ASB14: variants seen among roughly 807,000 people sequenced by gnomAD.
The protein encoded by ASB14 is ankyrin repeat and SOCS box containing 14.
ASB14 carries 63 observed loss-of-function variants against 55.6 expected under a neutral mutation model. The ratio of observed to expected loss-of-function variants is 1.13; its 90% CI spans 0.92 to 1.40. The LOEUF (loss-of-function observed/expected upper bound fraction) is 1.40. Ranked by LOEUF, ASB14 falls within the 40% of genes most tolerant of loss-of-function variation. The pLI, the probability that ASB14 is intolerant of heterozygous loss-of-function variation, is 0.00. For synonymous variants in ASB14, 256 were observed against 259.9 expected (o/e 0.98, Z 0.15); for missense variants, 724 against 710.4 (o/e 1.02, Z -0.22).
chr3:57,276,612 C>G lies in ASB14; in HGVS notation c.1702G>C (p.Ala568Pro). 1 of 1,613,834 alleles carries G rather than the reference C, an allele frequency of 6.2e-7. No individual in the cohort carries two copies. The highest frequency in any genetic ancestry group is 8.5e-7 in the Non-Finnish European group (1 of 1,179,828). Residue 568 changes from alanine (A) to proline (P), a missense_variant, in exon 10 of 11, where the codon GCA becomes CCA. Transcript: ENST00000487349. Reference sequence around the variant, plus strand: ...TCGTATTCTTTGTAAAGGACATATGCTTTTAGACGATTGGGTAATGGAAGA... The same window carrying G: ...TCGTATTCTTTGTAAAGGACATATGGTTTTAGACGATTGGGTAATGGAAGA... The part of the protein sequence containing the change: ...SFLPLPNRLK[A>P]YVLYKEYDLY...
chr3:57,277,262 CA>C (rs567523418), intron 9 of ASB14, among the ~76,000 whole-genome samples: 38,959 of 115,180 alleles, frequency 0.34, 6,807 homozygotes, highest in African/African-American at 0.57. Flanking sequence ...GACTCTGTCT[CA>C]AAAAAAAAAA....
intron 10 of ASB14, chr3:57,271,411 A>G (rs2060938976): frequency 6.6e-6 from 1 of 152,668 alleles, no homozygotes; most frequent in Admixed American, 6.5e-5. Flanking sequence ...GTGCTTACCA[A>G]AAGGAATGCT....
chr3:57,269,353 T>C lies in ASB14; in HGVS notation c.*288A>G, dbSNP rs2107614075. On this transcript the variant is annotated 3_prime_UTR_variant, in exon 11 of 11. Coordinates refer to ENST00000487349, the MANE Select transcript of ASB14 (RefSeq NM_001142733.3). ...ATTTTAGTTTGAATGCTGGCTTTTA[T>C]AGGATGGTGCCAAAATTCATTTTGG... 3.9e-6 allele frequency: 2 copies of C among 512,788 alleles called. No homozygotes were observed. Among genetic ancestry groups the C allele is most frequent in the South Asian group, 4.0e-5 (1 of 25,238 alleles). The allele number at this position is 512,788 out of a possible 1,614,324, so 31.8% of individuals were successfully genotyped here. A position where few individuals can be genotyped will look rare whatever the true frequency, so the allele number is the denominator to read the frequency against.
chr3:57,284,941 G>GTTTTTTTT, intron 5 of ASB14, among the ~76,000 whole-genome samples: 1 of 132,182 alleles, frequency 7.6e-6, no homozygotes, highest in Non-Finnish European at 1.6e-5. Context: ...TTTCAGTGTT[G>GTTTTTTTT]TTTTTTTTTT....
intron 2 of ASB14, among the ~76,000 whole-genome samples, chr3:57,289,687 CTTTTTTTTTTTTTT>C (rs34419265): frequency 2.0e-5 from 2 of 100,338 alleles, no homozygotes; most frequent in African/African-American, 6.3e-5. Flanking sequence ...ACCTTCCATT[CTTTTTTTTTTTTTT>C]TTTTTTTTTG....
chr3:57,269,504 A>G lies in ASB14; in HGVS notation c.*137T>C. The G allele has an allele frequency of 6.2e-7, 1 of 1,607,606 alleles. No homozygotes were observed. Among genetic ancestry groups the G allele is most frequent in the Non-Finnish European group, 8.5e-7 (1 of 1,176,690 alleles). Reference sequence around the variant, plus strand: ...TGCATAATTTGCCATTTGACTGCAGACAAGTAACTTAGTTTCTTTTTTGTC... The same window carrying G: ...TGCATAATTTGCCATTTGACTGCAGGCAAGTAACTTAGTTTCTTTTTTGTC... On this transcript the variant is annotated 3_prime_UTR_variant, in exon 11 of 11. Coordinates refer to ENST00000487349, the MANE Select transcript of ASB14 (RefSeq NM_001142733.3).
At chr3:57,270,746 C>G (rs2060931924) in intron 10 of ASB14, 1 of 152,272 alleles carries the variant, frequency 6.6e-6, no homozygotes, top group Non-Finnish European at 1.5e-5. Context: ...AGGCAAATAA[C>G]TAATGTATGA....
intron 10 of ASB14, 147 bp downstream of exon 10, chr3:57,276,381 G>A (rs2060986961): frequency 1.7e-6 from 1 of 581,516 alleles, no homozygotes; most frequent in African/African-American, 1.9e-5. Flanking sequence ...GACCTCCCAA[G>A]GTGAAGCAAT....
Position 57,291,898 on chromosome 3 carries a change from G to A in ASB14, c.122+14C>T. The A allele has an allele frequency of 2.6e-6, 4 of 1,524,504 alleles. No individual in the cohort carries two copies. The highest frequency in any genetic ancestry group is 3.9e-5 in the Admixed American group (2 of 50,698). 94.4% of individuals were successfully genotyped at this position (1,524,504 alleles called of 1,614,324 possible). On this transcript the variant is annotated intron_variant, in intron 2 of 10. Transcript: ENST00000487349. The stretch of plus-strand genomic sequence containing the variant: ...CAACACTTAATACTATATTGCCGAT[G>A]AGAAAACCATTACCTCTCATCCTTA...
chr3:57,285,649 ACTTGT>A (rs1370430371), intron 5 of ASB14, among the ~76,000 whole-genome samples: 1 of 152,054 alleles, frequency 6.6e-6, no homozygotes, highest in Non-Finnish European at 1.5e-5. Context: ...TGGAGTTAAT[ACTTGT>A]CTTATGTTTC....
intron 6 of ASB14, 21 bp from the exon 7 acceptor site, chr3:57,280,494 G>A: frequency 6.5e-7 from 1 of 1,529,756 alleles, no homozygotes; most frequent in South Asian, 1.2e-5. Context: ...AAAGACTCTT[G>A]TTAATGCAAA....
chr3:57,283,849 AAAAC>A (rs750856937), intron 5 of ASB14, among the ~76,000 whole-genome samples: 14 of 152,180 alleles, frequency 9.2e-5, no homozygotes, highest in Admixed American at 6.5e-4. Context: ...AAAAAAAACA[AAAAC>A]AAAAACAGAA....
At chr3:57,281,868 G>A (rs922779394) in intron 6 of ASB14, among the ~76,000 whole-genome samples, 1 of 152,172 alleles carries the variant, frequency 6.6e-6, no homozygotes, top group South Asian at 2.1e-4. Flanking sequence ...GGAATCAGAT[G>A]AACCTTGAAA....
intron 6 of ASB14, among the ~76,000 whole-genome samples, chr3:57,282,949 A>G (rs561993787): frequency 6.6e-6 from 1 of 152,352 alleles, no homozygotes; most frequent in Admixed American, 6.5e-5. Flanking sequence ...ATCTTAGCAC[A>G]GTGAGGGAAT....
chr3:57,287,093 T>G (rs2061086458), intron 5 of ASB14, among the ~76,000 whole-genome samples: 1 of 152,246 alleles, frequency 6.6e-6, no homozygotes, highest in Non-Finnish European at 1.5e-5. Context: ...AATTTTAGTT[T>G]TCCTAAATAA....
intron 10 of ASB14, chr3:57,273,609 AG>A (rs2060962610): frequency 6.6e-6 from 1 of 152,638 alleles, no homozygotes; most frequent in South Asian, 2.1e-4. Flanking sequence ...GAAAAAAAAA[AG>A]TCACTTTATT....
chr3:57,269,677 C>T (rs963292726), intron 10 of ASB14, 59 bp from the exon 11 acceptor site: 15 of 1,613,886 alleles, frequency 9.3e-6, no homozygotes, highest in Non-Finnish European at 1.2e-5. Context: ...AAGAGAGAAT[C>T]AGAAGCATAA....
Position 57,278,376 on chromosome 3 carries a change from C to T in ASB14, c.1431+1G>A. On this transcript the variant is annotated splice_donor_variant, in intron 8 of 10. Transcript: ENST00000487349. LOFTEE classifies it high-confidence loss of function. Reference sequence around the variant, plus strand: ...GAATACAGCCAATACTGTGGACTTACCTTAGTATCTTTGATAACTGTAGAT... The same window carrying T: ...GAATACAGCCAATACTGTGGACTTATCTTAGTATCTTTGATAACTGTAGAT... 1 of 1,611,374 alleles carries T rather than the reference C, an allele frequency of 6.2e-7. No homozygotes were observed. The highest frequency in any genetic ancestry group is 1.7e-4 in the Middle Eastern group (1 of 6,054).
intron 9 of ASB14, 45 bp downstream of exon 9, chr3:57,277,722 A>C: frequency 6.6e-7 from 1 of 1,523,354 alleles, no homozygotes; most frequent in Non-Finnish European, 8.9e-7. Context: ...ATAAGAATAC[A>C]ATTAGTACTT....
Sources: gnomAD v4.1 joint callset for allele counts (sites outside exome capture counted in the v4.1 genomes callset) on GRCh38, gnomAD v4.1.1 for gene constraint, MANE v1.5 for transcripts, NCBI Gene and HGNC (gene_info 2026-07-23, HGNC 2026-07-21) for gene names.